The following CSMD1 variants were observed in gnomAD, a reference collection of about 807,000 sequenced individuals.
CSMD1 encodes the protein CUB and Sushi multiple domains 1.
A neutral mutation model predicts 417.5 loss-of-function variants in CSMD1; 213 were observed. The observed-to-expected ratio is 0.51, with a 90% CI of 0.46 to 0.57. The LOEUF is 0.57. Ranked by LOEUF, CSMD1 falls within the 20% of genes least tolerant of loss-of-function variation. The probability of loss-of-function intolerance (pLI) is 0.00; values close to 1 mark genes in which losing one functional copy is unlikely to be tolerated. For missense variants in CSMD1, 6,923 were observed against 4,529.7 expected (o/e 1.53, Z -15.17); for synonymous variants, 2,862 against 1,736.8 (o/e 1.65, Z -16.11).
intron 4 of CSMD1, among the ~76,000 whole-genome samples, chr8:4,008,760 G>A (rs1003766696): frequency 2.0e-5 from 3 of 151,506 alleles, no homozygotes; most frequent in African/African-American, 7.3e-5. Context: ...ACAGGCATCC[G>A]GCACCACGCC....
chr8:3,793,835 C>T (rs7013959), intron 5 of CSMD1, among the ~76,000 whole-genome samples: 34 of 152,142 alleles, frequency 2.2e-4, no homozygotes, highest in Middle Eastern at 3.4e-3. Flanking sequence ...GATCTGCATA[C>T]AAGAATCACT....
At chr8:4,337,099 G>A (rs904349313) in intron 3 of CSMD1, among the ~76,000 whole-genome samples, 29 of 152,066 alleles carry the variant, frequency 1.9e-4, no homozygotes, top group Non-Finnish European at 2.9e-4. Context: ...CAACGTTGCG[G>A]CCACGTACAG....
At chr8:3,560,418 G>C (rs1329015651) in intron 10 of CSMD1, among the ~76,000 whole-genome samples, 7 of 152,136 alleles carry the variant, frequency 4.6e-5, no homozygotes, top group Non-Finnish European at 1.0e-4. Flanking sequence ...AGATGAAATA[G>C]CTGCAAAATG....
intron 7 of CSMD1, among the ~76,000 whole-genome samples, chr8:3,701,390 G>C (rs1012333587): frequency 3.3e-5 from 5 of 152,104 alleles, no homozygotes; most frequent in Admixed American, 1.3e-4. Flanking sequence ...AGATCCCAGA[G>C]AGAGAACAGT....
intron 2 of CSMD1, among the ~76,000 whole-genome samples, chr8:4,561,008 T>C (rs893304683): frequency 1.3e-5 from 2 of 152,220 alleles, no homozygotes; most frequent in East Asian, 3.9e-4. Context: ...CAGTGCTTTG[T>C]GTGTAGTATA....
At chr8:4,907,834 G>A (rs1805403345) in intron 1 of CSMD1, among the ~76,000 whole-genome samples, 1 of 151,796 alleles carries the variant, frequency 6.6e-6, no homozygotes, top group South Asian at 2.1e-4. Context: ...GCAAAGTGCT[G>A]GGATTACAGA....
chr8:4,149,963 C>T lies in CSMD1; in HGVS notation c.416-117864G>A, dbSNP rs372505153. Among the ~76,000 whole-genome samples the T allele has an allele frequency of 1.4e-4, 21 of 152,138 alleles. No homozygotes were observed. In the East Asian group the frequency reaches 3.1e-3, roughly 22 times the overall value. On this transcript the variant is annotated intron_variant, in intron 3 of 69. Transcript: ENST00000635120. ...ACAGGAAATTCTGTGATGTGGTACA[C>T]AAAGTTCAGCACTGTCACAGAGAAG...
intron 12 of CSMD1, among the ~76,000 whole-genome samples, chr8:3,412,593 A>C (rs1015555248): frequency 1.3e-5 from 2 of 152,218 alleles, no homozygotes; most frequent in African/African-American, 2.4e-5. Flanking sequence ...AGAAGAGCAC[A>C]CACACAAAAT....
chr8:4,891,750 C>A (rs1804138811), intron 1 of CSMD1, among the ~76,000 whole-genome samples: 1 of 152,010 alleles, frequency 6.6e-6, no homozygotes, highest in African/African-American at 2.4e-5. Context: ...AATTATTTCC[C>A]AAAACTCCCT....
chr8:2,981,473 G>C (rs1805420566), intron 54 of CSMD1, among the ~76,000 whole-genome samples: 1 of 152,190 alleles, frequency 6.6e-6, no homozygotes, highest in Non-Finnish European at 1.5e-5. Context: ...TAATGCGTCA[G>C]AAAGAAATAA....
intron 2 of CSMD1, among the ~76,000 whole-genome samples, chr8:4,444,534 A>C (rs1454278710): frequency 6.6e-6 from 1 of 152,038 alleles, no homozygotes; most frequent in East Asian, 1.9e-4. Flanking sequence ...ACGGAGAACA[A>C]TAATGTCCAT....
chr8:4,243,585 G>A (rs1185485028), intron 3 of CSMD1, among the ~76,000 whole-genome samples: 1 of 152,086 alleles, frequency 6.6e-6, no homozygotes, highest in Admixed American at 6.6e-5. Context: ...GTTATGCAAG[G>A]AGAGATGTCT....
intron 3 of CSMD1, among the ~76,000 whole-genome samples, chr8:4,133,357 C>G (rs959078116): frequency 6.6e-6 from 1 of 152,192 alleles, no homozygotes; most frequent in African/African-American, 2.4e-5. Flanking sequence ...AAGCACTTCA[C>G]AAAGCTTAAT....
intron 5 of CSMD1, among the ~76,000 whole-genome samples, chr8:3,933,289 A>C (rs1406361485): frequency 1.3e-5 from 2 of 152,300 alleles, no homozygotes; most frequent in East Asian, 3.9e-4. Context: ...TGCTTTATTC[A>C]CTTTAAAATA....
rs749126806 is a variant in CSMD1, at chr8:2,961,180, C to A, written c.9663G>T (p.Thr3221=). The change falls in exon 62 of 70, where the codon ACG becomes ACT. Residue 3221 remains threonine, a synonymous_variant. Coordinates refer to ENST00000635120, the MANE Select transcript of CSMD1 (RefSeq NM_033225.6). ...PAHNTCPDPG[T]PHFGIQNSSR... ...AGCTATTCTGTATTCCAAAGTGTGG[C>A]GTACCAGGGTCTGGGCAGGTGTTAT... The A allele has an allele frequency of 2.5e-6, 4 of 1,601,684 alleles. No individual in the cohort carries two copies. The highest frequency in any genetic ancestry group is 3.4e-6 in the Non-Finnish European group (4 of 1,172,164).
At chr8:3,860,317 G>C (rs562274138) in intron 5 of CSMD1, among the ~76,000 whole-genome samples, 11 of 152,074 alleles carry the variant, frequency 7.2e-5, no homozygotes, top group Middle Eastern at 3.4e-3. Flanking sequence ...AGATCTTTTA[G>C]AATTTCAACA....
chr8:4,221,260 C>A (rs1801013291), intron 3 of CSMD1, among the ~76,000 whole-genome samples: 1 of 151,970 alleles, frequency 6.6e-6, no homozygotes, highest in Non-Finnish European at 1.5e-5. Context: ...TGTATCAACA[C>A]CTGCTCTGGA....
chr8:4,127,776 T>A (rs185868925), intron 3 of CSMD1, among the ~76,000 whole-genome samples: 6 of 152,212 alleles, frequency 3.9e-5, no homozygotes, highest in Non-Finnish European at 7.3e-5. Flanking sequence ...ATTGTCTCAT[T>A]TAATCTTTAC....
At chr8:3,482,829 T>G (rs961664801) in intron 11 of CSMD1, among the ~76,000 whole-genome samples, 1 of 152,178 alleles carries the variant, frequency 6.6e-6, no homozygotes, top group African/African-American at 2.4e-5. Context: ...TAAAAGGCAG[T>G]AGAAAAATCT....
Sources: allele counts gnomAD v4.1 joint callset (sites outside exome capture counted in the v4.1 genomes callset), GRCh38; gene constraint gnomAD v4.1.1; transcripts MANE v1.5; gene names NCBI Gene and HGNC (gene_info 2026-07-23, HGNC 2026-07-21).